CLEC16A: variants seen among roughly 807,000 people sequenced by gnomAD.
CLEC16A encodes the protein C-type lectin domain containing 16A, also known as protein CLEC16A.
Under a neutral mutation model 109.5 loss-of-function variants are expected in CLEC16A, and 51 were observed. The observed-to-expected ratio is 0.47, with a 90% confidence interval of 0.37 to 0.59. The LOEUF is 0.59. CLEC16A is among the 20% of genes least tolerant of loss of function. The probability of loss-of-function intolerance (pLI) is 0.00; values close to 1 mark genes in which losing one functional copy is unlikely to be tolerated. For missense variants in CLEC16A, 1,339 were observed against 1,394.0 expected (o/e 0.96, Z 0.63); for synonymous variants, 673 against 564.2 (o/e 1.19, Z -2.73).
chr16:11,036,516 A>G (rs1597145240), intron 13 of CLEC16A, among the ~76,000 whole-genome samples: 1 of 124,854 alleles, frequency 8.0e-6, no homozygotes, highest in Middle Eastern at 4.7e-3. Context: ...GTTAGGTTTT[A>G]TCCTTGTGTT....
At chr16:11,051,445 C>G in intron 17 of CLEC16A, 68 bp from the exon 18 acceptor site, 1 of 1,536,306 alleles carries the variant, frequency 6.5e-7, no homozygotes, top group Admixed American at 1.8e-5. Context: ...CCTGTGCAAC[C>G]TCCCCCGGCC....
intron 10 of CLEC16A, among the ~76,000 whole-genome samples, chr16:10,988,232 T>A (rs959081250): frequency 3.3e-5 from 5 of 152,258 alleles, no homozygotes; most frequent in Non-Finnish European, 7.3e-5. Context: ...AAGGACTTTT[T>A]TTTCCTCTTG....
chr16:11,060,819 T>C (rs1406841432), intron 18 of CLEC16A, 83 bp from the exon 19 acceptor site: 4 of 1,341,506 alleles, frequency 3.0e-6, no homozygotes, highest in Non-Finnish European at 4.0e-6. Context: ...TAGAGAGTCA[T>C]GGTGTCATTT....
chr16:10,957,004 C>G (rs1186206634), intron 1 of CLEC16A, among the ~76,000 whole-genome samples: 1 of 152,190 alleles, frequency 6.6e-6, no homozygotes, highest in African/African-American at 2.4e-5. Context: ...GCCATGTTGA[C>G]CAGGCTGGTC....
intron 18 of CLEC16A, among the ~76,000 whole-genome samples, chr16:11,060,314 G>A (rs2048411633): frequency 6.8e-6 from 1 of 148,066 alleles, no homozygotes; most frequent in South Asian, 2.1e-4. Flanking sequence ...AAGGGAGCGG[G>A]AGTTGAAGAG....
At chr16:11,045,463 T>C (rs1041581864) in intron 16 of CLEC16A, among the ~76,000 whole-genome samples, 3 of 152,196 alleles carry the variant, frequency 2.0e-5, no homozygotes, top group Non-Finnish European at 4.4e-5. Flanking sequence ...ACCATCTTAC[T>C]GGATGACCTC....
chr16:10,975,656 T>A lies in CLEC16A; in HGVS notation c.729-1569T>A, dbSNP rs569925439. Among the ~76,000 whole-genome samples, 7 of 152,146 alleles carry A rather than the reference T, an allele frequency of 4.6e-5. No homozygotes were observed. The East Asian group carries it at 1.4e-3, about 30-fold the overall frequency. ...AATATTTACCAAATATCTTTTTTCT[T>A]TTCTTTTTTGAGATGGAGTCTTGCT... On this transcript the variant is annotated intron_variant, in intron 7 of 23. Transcript: ENST00000409790.
intron 23 of CLEC16A, among the ~76,000 whole-genome samples, chr16:11,173,980 G>T (rs919437873): frequency 6.6e-6 from 1 of 152,104 alleles, no homozygotes; most frequent in African/African-American, 2.4e-5. Flanking sequence ...TTCTCTGCAT[G>T]GGGGGCCAGC....
rs549604454 is a variant in CLEC16A at position 11,027,564 on chromosome 16, G to T, written c.1537+2643G>T. On this transcript the variant is annotated intron_variant, in intron 13 of 23. Coordinates refer to ENST00000409790, the MANE Select transcript of CLEC16A (RefSeq NM_015226.3). ...GATTGAGGAGCACCTGGGGAAGTTT[G>T]GCATCATTTGCTTGGAAGACCTCAT... The T allele has an allele frequency of 2.1e-5, 33 of 1,554,986 alleles. No individual in the cohort carries two copies. The South Asian group carries it at 3.3e-4, about 16-fold the overall frequency.
intron 23 of CLEC16A, among the ~76,000 whole-genome samples, chr16:11,172,203 T>TA (rs1567418765): frequency 2.6e-5 from 4 of 152,094 alleles, no homozygotes; most frequent in Non-Finnish European, 5.9e-5. Context: ...CACACTCACA[T>TA]ACACAGCCAC....
intron 19 of CLEC16A, among the ~76,000 whole-genome samples, chr16:11,099,638 C>T (rs188835587): frequency 6.6e-6 from 1 of 152,258 alleles, no homozygotes; most frequent in African/African-American, 2.4e-5. Flanking sequence ...ATCCCAGCTC[C>T]GTCACTTTCT....
At chr16:11,034,248 C>T (rs941460259) in intron 13 of CLEC16A, among the ~76,000 whole-genome samples, 1 of 152,188 alleles carries the variant, frequency 6.6e-6, no homozygotes, top group African/African-American at 2.4e-5. Context: ...GGTTAGCTTT[C>T]GAAATCTTTG....
At position 11,030,629 on chromosome 16, in the gene CLEC16A, C is replaced by A. The variant is rs190942233; in HGVS notation, c.1537+5708C>A. Among the ~76,000 whole-genome samples the A allele has an allele frequency of 1.6e-3, 241 of 152,202 alleles. 1 individual carries two copies. The highest frequency in any genetic ancestry group is 5.5e-3 in the African/African-American group (227 of 41,530). Reference sequence around the variant, plus strand: ...ATTGAGTAAAAAAAATATTGTGTTTCGAGACTTTTGGGTTTTTTTGTTTTG... The same window carrying A: ...ATTGAGTAAAAAAAATATTGTGTTTAGAGACTTTTGGGTTTTTTTGTTTTG... On this transcript the variant is annotated intron_variant, in intron 13 of 23. Coordinates refer to ENST00000409790, the MANE Select transcript of CLEC16A (RefSeq NM_015226.3).
Position 11,125,973 on chromosome 16 carries a change from C to A in CLEC16A, c.2474-6C>A. 1 of 1,508,282 alleles carries A rather than the reference C, an allele frequency of 6.6e-7. No homozygotes were observed. Among genetic ancestry groups the A allele is most frequent in the Non-Finnish European group, 9.0e-7 (1 of 1,113,944 alleles). The allele number at this position is 1,508,282 out of a possible 1,614,324, so 93.4% of individuals were successfully genotyped here. The stretch of plus-strand genomic sequence containing the variant: ...CAGAGTGAACCATGCTATTGTTTGA[C>A]CGTAGCCCTCCTGGACCTCCCAATC... On this transcript the variant is annotated splice_polypyrimidine_tract_variant and splice_region_variant and intron_variant, in intron 21 of 23. Transcript: ENST00000409790.
At chr16:11,051,088 G>A (rs879665474) in intron 17 of CLEC16A, among the ~76,000 whole-genome samples, 3 of 152,190 alleles carry the variant, frequency 2.0e-5, no homozygotes, top group Admixed American at 6.5e-5. Flanking sequence ...CTCGTTAAAC[G>A]GAAGCTGCCA....
chr16:10,949,933 C>G (rs1337263464), intron 1 of CLEC16A, among the ~76,000 whole-genome samples: 1 of 152,218 alleles, frequency 6.6e-6, no homozygotes, highest in East Asian at 1.9e-4. Context: ...CCTGCCCATC[C>G]AAATCCCTAG....
At chr16:11,168,597 C>G (rs146697078) in intron 23 of CLEC16A, among the ~76,000 whole-genome samples, 73 of 152,390 alleles carry the variant, frequency 4.8e-4, no homozygotes, top group African/African-American at 1.7e-3. Flanking sequence ...CCTCAGGATG[C>G]AGCTATTGAT....
At chr16:10,956,164 A>T (rs2041974791) in intron 1 of CLEC16A, among the ~76,000 whole-genome samples, 1 of 152,302 alleles carries the variant, frequency 6.6e-6, no homozygotes, top group East Asian at 1.9e-4. Context: ...CAAGTGGTTG[A>T]GGATTTGTGT....
At chr16:11,130,341 C>G (rs2053120475) in intron 22 of CLEC16A, among the ~76,000 whole-genome samples, 1 of 152,192 alleles carries the variant, frequency 6.6e-6, no homozygotes, top group South Asian at 2.1e-4. Context: ...CTCTGGGGCC[C>G]TAGATACTTG....
Sources: gnomAD v4.1 joint callset for allele counts (sites outside exome capture counted in the v4.1 genomes callset) on GRCh38, gnomAD v4.1.1 for gene constraint, MANE v1.5 for transcripts, NCBI Gene and HGNC (gene_info 2026-07-23, HGNC 2026-07-21) for gene names.